The following SHC2 variants were observed in gnomAD, a reference collection of about 807,000 sequenced individuals.
SHC2 encodes the protein SHC adaptor protein 2, also known as SHC-transforming protein 2.
A neutral mutation model predicts 60.6 loss-of-function variants in SHC2; 62 were observed. The ratio of observed to expected loss-of-function variants is 1.02; its 90% confidence interval spans 0.83 to 1.26. The LOEUF (loss-of-function observed/expected upper bound fraction) is 1.26. Among genes scored for constraint, SHC2 ranks in the 50% most tolerant of loss-of-function variants. SHC2 has a pLI of 0.00. For synonymous variants in SHC2, 375 were observed against 372.4 expected (o/e 1.01, Z -0.08); for missense variants, 873 against 822.2 (o/e 1.06, Z -0.76).
At chr19:443,452 GGATGGGTGGACA>G (rs1329420029) in intron 1 of SHC2, among the ~76,000 whole-genome samples, 7 of 146,452 alleles carry the variant, frequency 4.8e-5, no homozygotes, top group Non-Finnish European at 1.0e-4. Context: ...ATGGATGGTT[GGATGGGTGGACA>G]GATGGGTGGA....
Position 458,547 on chromosome 19 carries a change from G to C in SHC2, c.468+1982C>G, listed in dbSNP as rs1975440120. On this transcript the variant is annotated intron_variant, in intron 1 of 12. Coordinates refer to ENST00000264554, the MANE Select transcript of SHC2 (RefSeq NM_012435.3). ...CCTGGGGAGGCGGATTCGGGTTCCG[G>C]GGAGGTGGAAGCGGGTCCTGGGGAG... Among the ~76,000 whole-genome samples, 17 of 141,820 alleles carry C rather than the reference G, an allele frequency of 1.2e-4. 4 individuals carry two copies. The highest frequency in any genetic ancestry group is 4.5e-4 in the African/African-American group (17 of 37,860). The allele number at this position is 141,820 out of a possible 152,430, so 93.0% of individuals were successfully genotyped here. A position where few individuals can be genotyped will look rare whatever the true frequency, so the allele number is the denominator to read the frequency against.
chr19:460,665 C>G lies in SHC2; in HGVS notation c.332G>C (p.Arg111Pro), dbSNP rs1156924606. 4 of 1,126,040 alleles carry G rather than the reference C, an allele frequency of 3.6e-6. No individual in the cohort carries two copies. Among genetic ancestry groups the G allele is most frequent in the Non-Finnish European group, 4.3e-6 (4 of 923,846 alleles). The allele number at this position is 1,126,040 out of a possible 1,614,324, so 69.8% of individuals were successfully genotyped here. Reference sequence around the variant, plus strand: ...GGCGTCCCCGGACCCCGCCGCCCCCCGCCCGCCCCGCGACCCCCGCGACCC... The same window carrying G: ...GGCGTCCCCGGACCCCGCCGCCCCCGGCCCGCCCCGCGACCCCCGCGACCC... ...GAGSRGSRGG[R>P]GAAGSGDAAA... Residue 111 changes from arginine to proline, a missense_variant, in exon 1 of 13, where the codon CGG becomes CCG. Arg to Pro is a moderately radical substitution (Grantham distance 103). Coordinates refer to ENST00000264554, the MANE Select transcript of SHC2 (RefSeq NM_012435.3).
rs746427249 is a variant in SHC2 at position 422,406 on chromosome 19, C to T, written c.1360G>A (p.Val454Met). Residue 454 changes from valine (V) to methionine (M), a missense_variant, in exon 11 of 13, where the codon GTG becomes ATG. Val to Met is a conservative substitution (Grantham distance 21). Coordinates refer to ENST00000264554, the MANE Select transcript of SHC2 (RefSeq NM_012435.3). This position sits in a 1 kb window ranked among gnomAD's most constrained non-coding sequence, Gnocchi z 5.0. The part of the protein sequence containing the change: ...KLHECSVAAG[V>M]TAAPLPLEDQ... ...TCCAAGGGAAGAGGGGCTGCTGTCA[C>T]GCCTGCCGCCACTGAGCACTCATGC... The T allele has an allele frequency of 1.3e-5, 21 of 1,591,880 alleles. No individual in the cohort carries two copies. The highest frequency in any genetic ancestry group is 2.3e-5 in the East Asian group (1 of 43,920).
At position 422,629 on chromosome 19, in the gene SHC2, G is replaced by A. The variant is rs528213369; in HGVS notation, c.1310-173C>T. 1.7e-4 allele frequency: 98 copies of A among 593,066 alleles called. No homozygotes were observed. The highest frequency in any genetic ancestry group is 2.5e-4 in the Non-Finnish European group (86 of 340,980). The allele number at this position is 593,066 out of a possible 1,614,324, so 36.7% of individuals were successfully genotyped here. On this transcript the variant is annotated intron_variant, in intron 10 of 12. Coordinates refer to ENST00000264554, the MANE Select transcript of SHC2 (RefSeq NM_012435.3). This position sits in a 1 kb window ranked among gnomAD's most constrained non-coding sequence, Gnocchi z 5.0. ...GCACTCTGCCCAGCCCCGTGCGTGC[G>A]GTGGGCTCACATGTGTAGCAACCTG...
intron 1 of SHC2, among the ~76,000 whole-genome samples, chr19:458,963 C>G (rs1555710711): frequency 6.6e-6 from 1 of 152,158 alleles, no homozygotes; most frequent in Non-Finnish European, 1.5e-5. Flanking sequence ...CTCCCACAGG[C>G]TTTGGTGGGC....
In SHC2 at chr19:423,618, C is replaced by A. The variant is rs150333314; in HGVS notation, c.1310-1162G>T. ...AGCTCCTGGTCCTGGGGGGTCCTCC[C>A]GCCCTGACCCTCGCTCCCTGGTCTC... is the stretch of plus-strand genomic sequence containing the variant. On this transcript the variant is annotated intron_variant, in intron 10 of 12. Coordinates refer to ENST00000264554, the MANE Select transcript of SHC2 (RefSeq NM_012435.3). 6.7e-3 allele frequency among the ~76,000 whole-genome samples: 872 copies of A among 129,274 alleles called. 4 individuals carry two copies. In the East Asian group the frequency reaches 0.071, roughly 11 times the overall value. The allele number at this position is 129,274 out of a possible 152,430, so 84.8% of individuals were successfully genotyped here. A position where few individuals can be genotyped will look rare whatever the true frequency, so the allele number is the denominator to read the frequency against.
rs1974875370 is a variant in SHC2 at position 441,707 on chromosome 19, T to C, written c.469-775A>G. On this transcript the variant is annotated intron_variant, in intron 1 of 12. Transcript: ENST00000264554. The surrounding 1 kb of genome is among the most constrained non-coding windows in gnomAD (Gnocchi z 4.9). ...GACACGAACAGGTTTCCTACTGGGG[T>C]CATGAGAAATTCTGGAATTAGACAG... is the stretch of plus-strand genomic sequence containing the variant. Among the ~76,000 whole-genome samples, 1 of 152,058 alleles carries C rather than the reference T, an allele frequency of 6.6e-6. No homozygotes were observed. Among genetic ancestry groups the C allele is most frequent in the South Asian group, 2.1e-4 (1 of 4,816 alleles).
rs2145752651 is a variant in SHC2 at position 453,445 on chromosome 19, C to T, written c.468+7084G>A. On this transcript the variant is annotated intron_variant, in intron 1 of 12. Coordinates refer to ENST00000264554, the MANE Select transcript of SHC2 (RefSeq NM_012435.3). The surrounding 1 kb of genome is among the most constrained non-coding windows in gnomAD (Gnocchi z 6.3). ...CCACCCTGCCTGGCTAATGTTTTTT[C>T]TTTTTTGGTAGAGACAGGGTTTCAC... is the stretch of plus-strand genomic sequence containing the variant. 1.3e-5 allele frequency among the ~76,000 whole-genome samples: 2 copies of T among 152,186 alleles called. No homozygotes were observed. The highest frequency in any genetic ancestry group is 2.9e-5 in the Non-Finnish European group (2 of 67,990).
intron 9 of SHC2, among the ~76,000 whole-genome samples, chr19:428,653 G>A (rs921668680): frequency 2.0e-5 from 3 of 152,212 alleles, no homozygotes; most frequent in South Asian, 2.1e-4. Context: ...CCTGATCAGG[G>A]AGGCAAAGAA....
intron 1 of SHC2, among the ~76,000 whole-genome samples, chr19:456,177 G>A (rs116395484): frequency 0.021 from 3,139 of 152,274 alleles, 95 homozygotes; most frequent in African/African-American, 0.072. Flanking sequence ...GGCCTGAGCC[G>A]CCGGCCGCAG....
Position 438,924 on chromosome 19 carries a change from C to G in SHC2, c.600+46G>C, listed in dbSNP as rs1974785673. On this transcript the variant is annotated intron_variant, in intron 3 of 12. Transcript: ENST00000264554. This position sits in a 1 kb window ranked among gnomAD's most constrained non-coding sequence, Gnocchi z 5.0. Reference sequence around the variant, plus strand: ...GGATGGCCGCAGCGTCCCCACAGCCCCCGACTGCCCCACCAGCCCCACGAG... The same window carrying G: ...GGATGGCCGCAGCGTCCCCACAGCCGCCGACTGCCCCACCAGCCCCACGAG... The G allele has an allele frequency of 6.4e-7, 1 of 1,564,674 alleles. No homozygotes were observed. Among genetic ancestry groups the G allele is most frequent in the African/African-American group, 1.4e-5 (1 of 73,656 alleles).
At chr19:428,252 G>C (rs1317535432) in intron 9 of SHC2, among the ~76,000 whole-genome samples, 1 of 152,194 alleles carries the variant, frequency 6.6e-6, no homozygotes, top group African/African-American at 2.4e-5. Flanking sequence ...CGAAGTGCCC[G>C]GTGGGAATGT....
chr19:435,934 G>A (rs1474299375), intron 7 of SHC2: 1 of 518,268 alleles, frequency 1.9e-6, no homozygotes, highest in Non-Finnish European at 3.5e-6. Context: ...GCACACCGGG[G>A]AGTCAGCTTG....
At position 425,767 on chromosome 19, in the gene SHC2, G is replaced by A. The variant is rs879452735; in HGVS notation, c.1175-536C>T. Among the ~76,000 whole-genome samples the A allele has an allele frequency of 3.9e-5, 6 of 152,160 alleles. No homozygotes were observed. The highest frequency in any genetic ancestry group is 7.2e-5 in the African/African-American group (3 of 41,508). On this transcript the variant is annotated intron_variant, in intron 9 of 12. Transcript: ENST00000264554. The surrounding 1 kb of genome is among the most constrained non-coding windows in gnomAD (Gnocchi z 4.1). ...CATGGGGCCGGGCGTGGTGGCTCAC[G>A]CCTGTAATCCCAGCACTTTGGGAGG...
In SHC2 at chr19:429,725, G is replaced by A. The variant is rs191077885; in HGVS notation, c.1174+959C>T. ...CACGGAAACCTAACACCGTGTGGAT[G>A]ACGCAGTACCTATACCCAACATGCT... is the stretch of plus-strand genomic sequence containing the variant. On this transcript the variant is annotated intron_variant, in intron 9 of 12. Transcript: ENST00000264554. 8.2e-4 allele frequency among the ~76,000 whole-genome samples: 119 copies of A among 145,616 alleles called. No individual in the cohort carries two copies. In the East Asian group the frequency reaches 0.019, roughly 23 times the overall value.
intron 1 of SHC2, among the ~76,000 whole-genome samples, chr19:459,893 G>C (rs867398417): frequency 6.6e-6 from 1 of 152,160 alleles, no homozygotes; most frequent in Non-Finnish European, 1.5e-5. Context: ...ACTTCACACG[G>C]TTTACTATAA....
At chr19:435,875 G>C in intron 7 of SHC2, 2 of 364,568 alleles carry the variant, frequency 5.5e-6, no homozygotes, top group Non-Finnish European at 1.0e-5. Flanking sequence ...AGCCGGCCGC[G>C]CGTCTGGAGG....
At chr19:454,797 A>T (rs1975295048) in intron 1 of SHC2, among the ~76,000 whole-genome samples, 1 of 152,012 alleles carries the variant, frequency 6.6e-6, no homozygotes, top group African/African-American at 2.4e-5. Flanking sequence ...TCTCAAAAAA[A>T]AAAAAAGACC....
intron 2 of SHC2, among the ~76,000 whole-genome samples, chr19:439,928 A>C (rs956876355): frequency 6.6e-6 from 1 of 150,694 alleles, no homozygotes; most frequent in Non-Finnish European, 1.5e-5. Flanking sequence ...GGGGAGGCTG[A>C]GGCAAGAGAA....
Sources: gnomAD v4.1 joint callset for allele counts (sites outside exome capture counted in the v4.1 genomes callset) on GRCh38, gnomAD v4.1.1 for gene constraint, Gnocchi (gnomAD v3.1) non-coding constraint, MANE v1.5 for transcripts, NCBI Gene and HGNC (gene_info 2026-07-23, HGNC 2026-07-21) for gene names.